EYS: variants seen among roughly 807,000 people sequenced by gnomAD.
The protein encoded by EYS is protein eyes shut homolog.
A neutral mutation model predicts 282.1 loss-of-function variants in EYS; 250 were observed. The ratio of observed to expected loss-of-function variants is 0.89; its 90% confidence interval spans 0.80 to 0.98. The LOEUF (loss-of-function observed/expected upper bound fraction) is 0.98, where lower values mean the gene tolerates loss of function less well. Ranked by LOEUF, EYS falls within the 50% of genes least tolerant of loss-of-function variation. EYS has a pLI of 0.00. For synonymous variants in EYS, 1,355 were observed against 1,282.9 expected, an observed-to-expected ratio of 1.06 and a Z score of -1.20; for missense variants, 4,016 against 3,709.0, an observed-to-expected ratio of 1.08 and a Z score of -2.15.
chr6:64,132,004 A>G (rs1387464077), intron 31 of EYS, among the ~76,000 whole-genome samples: 1 of 152,178 alleles, frequency 6.6e-6, no homozygotes, highest in African/African-American at 2.4e-5. Flanking sequence ...CCAAAATAGT[A>G]TTCTCTATTT....
At chr6:65,208,342 A>G (rs548683180) in intron 12 of EYS, among the ~76,000 whole-genome samples, 1 of 151,974 alleles carries the variant, frequency 6.6e-6, no homozygotes, top group South Asian at 2.1e-4. Flanking sequence ...GAACACTTAT[A>G]AACAGTTGAG....
chr6:64,327,098 T>C (rs924262923), intron 29 of EYS, among the ~76,000 whole-genome samples: 1 of 152,022 alleles, frequency 6.6e-6, no homozygotes, highest in African/African-American at 2.4e-5. Flanking sequence ...GAGACCATCA[T>C]GGGGCGTGAT....
At chr6:64,200,148 G>C (rs1765418625) in intron 31 of EYS, among the ~76,000 whole-genome samples, 1 of 152,154 alleles carries the variant, frequency 6.6e-6, no homozygotes, top group African/African-American at 2.4e-5. Flanking sequence ...GGCAGTAAAA[G>C]AGACCAGTGG....
chr6:63,880,958 C>T (rs1344372314), intron 35 of EYS, among the ~76,000 whole-genome samples: 2 of 151,960 alleles, frequency 1.3e-5, no homozygotes, highest in Non-Finnish European at 2.9e-5. Context: ...AGTTCCATAA[C>T]CTTATGGATG....
chr6:64,427,133 G>A (rs1034708171), intron 28 of EYS, among the ~76,000 whole-genome samples: 2 of 152,030 alleles, frequency 1.3e-5, no homozygotes, highest in Non-Finnish European at 2.9e-5. Flanking sequence ...AGTCATTAAT[G>A]GTTAGTTCCC....
intron 22 of EYS, among the ~76,000 whole-genome samples, chr6:64,738,764 TA>T (rs1772271227): frequency 6.6e-6 from 1 of 152,162 alleles, no homozygotes; most frequent in Admixed American, 6.5e-5. Flanking sequence ...CAAATTTTAG[TA>T]ATTTTTTTTA....
intron 22 of EYS, among the ~76,000 whole-genome samples, chr6:64,762,357 A>G (rs1773186228): frequency 6.6e-6 from 1 of 152,182 alleles, no homozygotes. Flanking sequence ...TAGGGACTCA[A>G]TTCACTCATT....
At chr6:64,692,124 A>G (rs978192625) in intron 22 of EYS, among the ~76,000 whole-genome samples, 1 of 152,110 alleles carries the variant, frequency 6.6e-6, no homozygotes, top group African/African-American at 2.4e-5. Context: ...ATCACCAGTA[A>G]ATAAGTGTTC....
chr6:64,488,700 A>G (rs1029828943), intron 26 of EYS, among the ~76,000 whole-genome samples: 26 of 151,042 alleles, frequency 1.7e-4, no homozygotes, highest in Admixed American at 1.4e-3. Context: ...TATCTGCTTA[A>G]ATATTCTTCA....
At chr6:63,882,274 A>C (rs1208729526) in intron 35 of EYS, among the ~76,000 whole-genome samples, 1 of 152,244 alleles carries the variant, frequency 6.6e-6, no homozygotes, top group Non-Finnish European at 1.5e-5. Context: ...GTCTTATTAC[A>C]AAAGTTGTCA....
At chr6:64,134,842 A>G (rs1237418233) in intron 31 of EYS, among the ~76,000 whole-genome samples, 1 of 152,092 alleles carries the variant, frequency 6.6e-6, no homozygotes, top group African/African-American at 2.4e-5. Context: ...TGAGGTTGAC[A>G]AATGTCTCTT....
At chr6:65,010,082 G>C (rs546765950) in intron 13 of EYS, among the ~76,000 whole-genome samples, 1 of 152,326 alleles carries the variant, frequency 6.6e-6, no homozygotes, top group South Asian at 2.1e-4. Context: ...CCAAGCCCCA[G>C]TGTTAAGCTT....
At chr6:64,475,270 G>GATACCAAATACTTAACACAGTTCCT (rs1776225571) in intron 26 of EYS, among the ~76,000 whole-genome samples, 1 of 74,370 alleles carries the variant, frequency 1.3e-5, no homozygotes, top group South Asian at 3.9e-4. Context: ...GAAAAGAAAA[G>GATACCAAATACTTAACACAGTTCCT]GCCGGGCGCG....
At chr6:64,867,330 A>G (rs1583239375) in intron 19 of EYS, among the ~76,000 whole-genome samples, 4 of 151,714 alleles carry the variant, frequency 2.6e-5, no homozygotes, top group African/African-American at 7.2e-5. Flanking sequence ...ACCTAATACA[A>G]CTTATTTAAA....
chr6:64,391,983 C>T (rs1294236898), intron 28 of EYS, among the ~76,000 whole-genome samples: 2 of 151,718 alleles, frequency 1.3e-5, no homozygotes, highest in East Asian at 1.9e-4. Flanking sequence ...ATCCTAGTCT[C>T]TGATAAAACA....
intron 2 of EYS, among the ~76,000 whole-genome samples, chr6:65,533,973 A>AT (rs368238787): frequency 1.8e-3 from 269 of 146,874 alleles, no homozygotes; most frequent in Middle Eastern, 3.5e-3. Flanking sequence ...CATTACCCTA[A>AT]TTTTTTTTTT....
chr6:64,616,105 A>C (rs567085772), intron 24 of EYS, among the ~76,000 whole-genome samples: 12 of 152,170 alleles, frequency 7.9e-5, no homozygotes, highest in Admixed American at 5.9e-4. Context: ...AAAACATATC[A>C]TATGTAAAAT....
At chr6:63,910,056 A>G (rs1265150123) in intron 35 of EYS, among the ~76,000 whole-genome samples, 2 of 152,176 alleles carry the variant, frequency 1.3e-5, no homozygotes, top group Non-Finnish European at 2.9e-5. Flanking sequence ...GGGTGGACGA[A>G]GGAGGAAGAG....
rs567746107 is a variant in EYS at position 65,360,579 on chromosome 6, T to C, written c.1300-6962A>G. On this transcript the variant is annotated intron_variant, in intron 8 of 42. Transcript: ENST00000503581. ...AGATCATTTTCTGGTCTCCTATTATTACTTTAACATTTTTCCATAAATCAC... is the reference window on the plus strand; with the variant it reads ...AGATCATTTTCTGGTCTCCTATTATCACTTTAACATTTTTCCATAAATCAC... Among the ~76,000 whole-genome samples the C allele has an allele frequency of 1.6e-4, 24 of 152,268 alleles. No homozygotes were observed. The South Asian group carries it at 5.0e-3, about 32-fold the overall frequency.
Sources: allele counts gnomAD v4.1 joint callset (sites outside exome capture counted in the v4.1 genomes callset), GRCh38; gene constraint gnomAD v4.1.1; transcripts MANE v1.5; gene names NCBI Gene and HGNC (gene_info 2026-07-23, HGNC 2026-07-21).